The following CSMD1 variants were observed in gnomAD, a reference collection of about 807,000 sequenced individuals.
The protein encoded by CSMD1 is CUB and Sushi multiple domains 1.
In CSMD1, 213 loss-of-function variants were observed where a neutral mutation model predicts 417.5. That is an observed-to-expected ratio of 0.51 (90% CI 0.46 to 0.57). The LOEUF (loss-of-function observed/expected upper bound fraction) is 0.57, where lower values mean the gene tolerates loss of function less well. Among genes scored for constraint, CSMD1 ranks in the 20% least tolerant of loss-of-function variants. CSMD1 has a pLI of 0.00. For synonymous variants in CSMD1, 2,862 were observed against 1,736.8 expected (o/e 1.65, Z -16.11); for missense variants, 6,923 against 4,529.7 (o/e 1.53, Z -15.17).
chr8:4,424,335 A>C (rs1797421847), intron 2 of CSMD1, among the ~76,000 whole-genome samples: 1 of 151,974 alleles, frequency 6.6e-6, no homozygotes, highest in Admixed American at 6.6e-5. Context: ...AACTCTCCAG[A>C]CTCAACAACA....
rs180874590 is a variant in CSMD1, at chr8:4,890,818, G to A, written c.85+103514C>T. Among the ~76,000 whole-genome samples, 126 of 152,232 alleles carry A rather than the reference G, an allele frequency of 8.3e-4. 1 individual carries two copies. Among genetic ancestry groups the A allele is most frequent in the Middle Eastern group, 6.8e-3 (2 of 294 alleles). On this transcript the variant is annotated intron_variant, in intron 1 of 69. Transcript: ENST00000635120. ...CATTCCGGTTAAGGACGCTTTTGTC[G>A]ACATTAAGATGTGTGTTTGCTTTAG...
At chr8:2,942,687 C>A in intron 68 of CSMD1, 83 bp from the exon 69 acceptor site, 7 of 1,109,248 alleles carry the variant, frequency 6.3e-6, no homozygotes, top group South Asian at 2.3e-5. Flanking sequence ...TAAATGGATA[C>A]GAACTCTTCA....
In CSMD1 at chr8:2,957,751, C is replaced by T. The variant is rs745758896; in HGVS notation, c.9759G>A (p.Thr3253=). Residue 3253 remains threonine, a synonymous_variant, in exon 63 of 70, where the codon ACG becomes ACA. Coordinates refer to ENST00000635120, the MANE Select transcript of CSMD1 (RefSeq NM_033225.6). ...TTAAATTGGCAAGGCAGGTGCGAGT[C>T]GTGGAACCTTGAATATGGTAGCCTT... The part of the protein sequence containing the change: ...CRKGYHIQGS[T]TRTCLANLTW... 6.9e-6 allele frequency: 11 copies of T among 1,599,742 alleles called. No homozygotes were observed. The highest frequency in any genetic ancestry group is 5.2e-5 in the Admixed American group (3 of 58,224).
intron 10 of CSMD1, among the ~76,000 whole-genome samples, chr8:3,510,233 C>A (rs1039860709): frequency 1.3e-5 from 2 of 151,680 alleles, no homozygotes; most frequent in African/African-American, 4.9e-5. Flanking sequence ...GAGAAGTGGC[C>A]GACTCCTGCC....
At chr8:4,317,720 G>A (rs557611144) in intron 3 of CSMD1, among the ~76,000 whole-genome samples, 2 of 152,246 alleles carry the variant, frequency 1.3e-5, no homozygotes, top group Admixed American at 6.5e-5. Context: ...AGAAGCGATA[G>A]CTCAGCTGAG....
At chr8:4,256,582 G>A (rs1013755113) in intron 3 of CSMD1, among the ~76,000 whole-genome samples, 2 of 152,122 alleles carry the variant, frequency 1.3e-5, no homozygotes, top group Non-Finnish European at 2.9e-5. Context: ...CATGGGAAGG[G>A]GTTTACCCTC....
intron 2 of CSMD1, among the ~76,000 whole-genome samples, chr8:4,469,949 G>A (rs1185189178): frequency 6.7e-6 from 1 of 150,046 alleles, no homozygotes; most frequent in Non-Finnish European, 1.5e-5. Context: ...CTCACTGCAA[G>A]CTCCACCTCC....
rs753706312 is a variant in CSMD1, at chr8:3,396,202, T to G, written c.2585A>C (p.His862Pro). The G allele has an allele frequency of 6.4e-7, 1 of 1,559,940 alleles. No homozygotes were observed. Among genetic ancestry groups the G allele is most frequent in the Non-Finnish European group, 8.7e-7 (1 of 1,152,018 alleles). Residue 862 changes from histidine to proline, a missense_variant, in exon 17 of 70, where the codon CAC becomes CCC. Physicochemically the swap from His to Pro is moderately conservative, Grantham distance 77 (BLOSUM62 -2). Coordinates refer to ENST00000635120, the MANE Select transcript of CSMD1 (RefSeq NM_033225.6). ...GGGAAGGTGCAACTCACTCTCATAG[T>G]GGATGAGGAAGCCGATGCTGGAGCG... Reference protein sequence around the residue: ...NSRSSIGFLIHYESVTLESDS... With the variant: ...NSRSSIGFLIPYESVTLESDS...
intron 26 of CSMD1, among the ~76,000 whole-genome samples, chr8:3,261,007 C>G (rs1326367951): frequency 2.6e-5 from 4 of 151,376 alleles, no homozygotes; most frequent in Non-Finnish European, 5.9e-5. Context: ...CAACAACAAA[C>G]AAATACCAAA....
At chr8:4,561,043 G>C (rs1292815846) in intron 2 of CSMD1, among the ~76,000 whole-genome samples, 3 of 152,056 alleles carry the variant, frequency 2.0e-5, no homozygotes, top group African/African-American at 7.2e-5. Flanking sequence ...CAATCCACAG[G>C]AATTACAAAT....
intron 3 of CSMD1, among the ~76,000 whole-genome samples, chr8:4,170,193 C>T (rs903086237): frequency 6.6e-6 from 1 of 151,806 alleles, no homozygotes; most frequent in Non-Finnish European, 1.5e-5. Flanking sequence ...ACAGTCCACG[C>T]GTTTCTCTCT....
At chr8:3,163,890 G>A (rs1183065814) in intron 37 of CSMD1, among the ~76,000 whole-genome samples, 1 of 152,172 alleles carries the variant, frequency 6.6e-6, no homozygotes, top group Non-Finnish European at 1.5e-5. Flanking sequence ...GCAAAGTGAA[G>A]TCAGCCTGGC....
chr8:4,808,835 T>C lies in CSMD1; in HGVS notation c.86-171277A>G, dbSNP rs141915014. Among the ~76,000 whole-genome samples the C allele has an allele frequency of 5.4e-3, 820 of 152,348 alleles. 7 individuals are homozygous for C. Among genetic ancestry groups the C allele is most frequent in the African/African-American group, 0.019 (798 of 41,574 alleles). On this transcript the variant is annotated intron_variant, in intron 1 of 69. Transcript: ENST00000635120. ...TAATAAAGTGATAGTGCTTTCATGA[T>C]TTAAAAGTTATCTCTCCATGTCTCT...
chr8:2,950,271 A>T lies in CSMD1; in HGVS notation c.10274T>A (p.Val3425Glu). Residue 3425 changes from valine to glutamate, a missense_variant, in exon 67 of 70, where the codon GTA (valine) becomes GAA (glutamate). Val to Glu is a moderately radical substitution (Grantham distance 121). Coordinates refer to ENST00000635120, the MANE Select transcript of CSMD1 (RefSeq NM_033225.6). ...CCAGTTGTCATTTTCGAACTTGCTT[A>T]CAAAAATATCTGCCTGGCCTTTAAT... ...FQIKGQADIF[V>E]SKFENDNWGL... 6.2e-7 allele frequency: 1 copy of T among 1,613,364 alleles called. No individual in the cohort carries two copies. The highest frequency in any genetic ancestry group is 8.5e-7 in the Non-Finnish European group (1 of 1,179,362).
chr8:4,370,089 C>T (rs1325799128), intron 3 of CSMD1, among the ~76,000 whole-genome samples: 1 of 151,710 alleles, frequency 6.6e-6, no homozygotes, highest in South Asian at 2.1e-4. Flanking sequence ...GTCATTCTTT[C>T]ATTTCCATAT....
intron 49 of CSMD1, among the ~76,000 whole-genome samples, chr8:3,061,871 T>C (rs1195153594): frequency 1.3e-5 from 2 of 152,150 alleles, no homozygotes; most frequent in Admixed American, 6.6e-5. Context: ...AAGTGGGCAT[T>C]AGAACATTAT....
chr8:4,182,905 T>C (rs1173175407), intron 3 of CSMD1, among the ~76,000 whole-genome samples: 1 of 152,182 alleles, frequency 6.6e-6, no homozygotes, highest in African/African-American at 2.4e-5. Flanking sequence ...TGGGAGAATG[T>C]AATTGAAGAC....
chr8:4,909,773 T>C (rs574702535), intron 1 of CSMD1, among the ~76,000 whole-genome samples: 1 of 152,312 alleles, frequency 6.6e-6, no homozygotes, highest in Admixed American at 6.5e-5. Flanking sequence ...CTGATCCATG[T>C]ACATTTGTTT....
intron 3 of CSMD1, among the ~76,000 whole-genome samples, chr8:4,130,551 T>C (rs1483981052): frequency 6.6e-6 from 1 of 152,190 alleles, no homozygotes; most frequent in Admixed American, 6.5e-5. Flanking sequence ...TCCTGGTTCT[T>C]TTAAATCAAT....
Sources: allele counts gnomAD v4.1 joint callset (sites outside exome capture counted in the v4.1 genomes callset), GRCh38; gene constraint gnomAD v4.1.1; transcripts MANE v1.5; gene names NCBI Gene and HGNC (gene_info 2026-07-23, HGNC 2026-07-21).